The following POM121C variants were observed in gnomAD, a reference collection of about 807,000 sequenced individuals.
POM121C encodes the protein POM121 transmembrane nucleoporin C.
In POM121C, 20 loss-of-function variants were observed where a neutral mutation model predicts 66.4. The observed-to-expected ratio is 0.30, with a 90% CI of 0.21 to 0.44. The LOEUF (loss-of-function observed/expected upper bound fraction) is 0.44. Among genes scored for constraint, POM121C ranks in the 20% least tolerant of loss-of-function variants. The pLI is 1.00. For missense variants in POM121C, 580 were observed against 1,225.7 expected (o/e 0.47, Z 7.87); for synonymous variants, 286 against 528.0 (o/e 0.54, Z 6.28).
intron 3 of POM121C, among the ~76,000 whole-genome samples, chr7:75,473,260 G>A (rs1472140695): frequency 1.3e-5 from 2 of 151,938 alleles, no homozygotes; most frequent in African/African-American, 4.8e-5. Context: ...AAAATACACA[G>A]GAAAAAAGGT....
In POM121C at chr7:75,417,075, C is replaced by T; in HGVS notation, c.*1721G>A. ...CAGGTAGAAGCTTGATTGCTAGGCC[C>T]AGGCCCACCCAGACCCTCCAATCCT... On this transcript the variant is annotated 3_prime_UTR_variant, in exon 15 of 15. Transcript: ENST00000615331. 10 of 978,774 alleles carry T rather than the reference C, an allele frequency of 1.0e-5. No individual in the cohort carries two copies. Among genetic ancestry groups the T allele is most frequent in the Non-Finnish European group, 1.3e-5 (10 of 796,782 alleles). 60.6% of individuals were successfully genotyped at this position (978,774 alleles called of 1,614,324 possible).
chr7:75,478,617 G>GAAAC (rs1391591885), intron 1 of POM121C, among the ~76,000 whole-genome samples: 3 of 151,752 alleles, frequency 2.0e-5, no homozygotes, highest in Admixed American at 1.3e-4. Flanking sequence ...TCTACAGATA[G>GAAAC]TACAATATCT....
intron 3 of POM121C, among the ~76,000 whole-genome samples, chr7:75,473,833 C>T (rs1489046108): frequency 5.3e-5 from 8 of 151,156 alleles, no homozygotes; most frequent in South Asian, 2.1e-4. Context: ...GGACTACAGG[C>T]GCCCGCCACT....
chr7:75,473,807 G>C (rs1426415383), intron 3 of POM121C, among the ~76,000 whole-genome samples: 1 of 151,308 alleles, frequency 6.6e-6, no homozygotes, highest in Non-Finnish European at 1.5e-5. Flanking sequence ...TCCTGCCTCA[G>C]CCTCCCAAGT....
chr7:75,418,631 C>T lies in POM121C; in HGVS notation c.*165G>A. On this transcript the variant is annotated 3_prime_UTR_variant, in exon 15 of 15. Coordinates refer to ENST00000615331, the MANE Select transcript of POM121C (RefSeq NM_001099415.3). ...CCTTCCCTGAGGCTTGTGCTTCCTC[C>T]AGAAGGGAAAGGGCCCCAGGGCTGC... 4.4e-6 allele frequency: 6 copies of T among 1,348,808 alleles called. No homozygotes were observed. Among genetic ancestry groups the T allele is most frequent in the Admixed American group, 3.0e-5 (1 of 32,818 alleles). The allele number at this position is 1,348,808 out of a possible 1,614,324, so 83.6% of individuals were successfully genotyped here. A position where few individuals can be genotyped will look rare whatever the true frequency, so the allele number is the denominator to read the frequency against.
intron 7 of POM121C, among the ~76,000 whole-genome samples, chr7:75,427,680 CCA>C (rs1455601342): frequency 1.3e-4 from 20 of 152,148 alleles, no homozygotes; most frequent in East Asian, 3.9e-4. Flanking sequence ...AATTACAAAG[CCA>C]CTAAACTGTC....
At chr7:75,442,326 C>G (rs1422592355) in intron 3 of POM121C, 6 of 1,411,338 alleles carry the variant, frequency 4.3e-6, no homozygotes, top group South Asian at 3.1e-5. Flanking sequence ...TGCGGCGGCC[C>G]GGGCTTGCCC....
intron 7 of POM121C, among the ~76,000 whole-genome samples, chr7:75,433,098 G>C (rs1790247499): frequency 6.6e-6 from 1 of 151,546 alleles, no homozygotes; most frequent in African/African-American, 2.4e-5. Flanking sequence ...AGCTGGGCGT[G>C]GTGGCCAGAG....
At chr7:75,442,790 G>C (rs3888116) in intron 3 of POM121C, 7 of 1,272,666 alleles carry the variant, frequency 5.5e-6, no homozygotes, top group Non-Finnish European at 4.0e-6. Context: ...GTCATCGCGC[G>C]CCCGCCACGT....
intron 3 of POM121C, among the ~76,000 whole-genome samples, chr7:75,443,157 G>A (rs1388464908): frequency 2.0e-5 from 3 of 152,162 alleles, no homozygotes; most frequent in African/African-American, 4.8e-5. Context: ...AGTTGATAAC[G>A]TGGGACGATT....
At chr7:75,442,811 C>T in intron 3 of POM121C, 1 of 1,233,982 alleles carries the variant, frequency 8.1e-7, no homozygotes, top group Non-Finnish European at 1.0e-6. Context: ...CATGCGCGCG[C>T]GACTCGGGGA....
chr7:75,431,995 T>C (rs587648044), intron 7 of POM121C, among the ~76,000 whole-genome samples: 3 of 151,892 alleles, frequency 2.0e-5, no homozygotes, highest in Admixed American at 6.6e-5. Context: ...GACTGACCAA[T>C]ATAGTGAAAC....
rs1554470661 is a variant in POM121C, at chr7:75,421,658, A to C, written c.2594T>G (p.Phe865Cys). The C allele has an allele frequency of 6.2e-7, 1 of 1,612,890 alleles. No individual in the cohort carries two copies. Among genetic ancestry groups the C allele is most frequent in the East Asian group, 2.2e-5 (1 of 44,876 alleles). ...TPGSSATTGA[F>C]SFGAGQSGST... ...CCCACTCTGTCCTGCTCCAAAGCTG[A>C]AAGCTCCGGTGGTGGCGCTGGAGCC... is the stretch of plus-strand genomic sequence containing the variant. The change falls in exon 13 of 15, where the codon TTC (phenylalanine) becomes TGC (cysteine). Residue 865 changes from phenylalanine to cysteine, a missense_variant. Coordinates refer to ENST00000615331, the MANE Select transcript of POM121C (RefSeq NM_001099415.3).
chr7:75,485,198 T>C (rs1792475142), intron 1 of POM121C, among the ~76,000 whole-genome samples: 1 of 152,288 alleles, frequency 6.6e-6, no homozygotes, highest in East Asian at 1.9e-4. Flanking sequence ...GCCATAGGAA[T>C]TGAGTATGTG....
intron 5 of POM121C, among the ~76,000 whole-genome samples, chr7:75,440,424 T>C (rs1344021001): frequency 1.3e-4 from 19 of 151,314 alleles, no homozygotes; most frequent in East Asian, 6.0e-4. Context: ...AAAAATTAGC[T>C]GGGCATGGTG....
At chr7:75,438,996 A>G in intron 6 of POM121C, 148 bp downstream of exon 6, 1 of 847,390 alleles carries the variant, frequency 1.2e-6, no homozygotes, top group Non-Finnish European at 1.8e-6. Flanking sequence ...AATTGTGACA[A>G]GTTACTCAGA....
Position 75,424,125 on chromosome 7 carries a change from G to A in POM121C, c.972C>T (p.Leu324=). The A allele has an allele frequency of 1.2e-6, 2 of 1,612,024 alleles. No individual in the cohort carries two copies. ...AAATASPPTS[L]LAPSTNPLLE... is the part of the protein sequence containing the mutation. ...ACAGTGGGTTGGTGCTTGGGGCCAG[G>A]AGGGAGGTGGGTGGGGAGGCAGTTG... The change falls in exon 12 of 15, where the codon CTC becomes CTT. Residue 324 remains leucine, a synonymous_variant. Coordinates refer to ENST00000615331, the MANE Select transcript of POM121C (RefSeq NM_001099415.3).
intron 13 of POM121C, 152 bp from the exon 14 acceptor site, chr7:75,419,594 G>A (rs1342101340): frequency 2.3e-6 from 2 of 880,938 alleles, no homozygotes; most frequent in Admixed American, 6.3e-5. Context: ...AGCTGAGCCA[G>A]ACAACCGAGT....
chr7:75,437,778 A>T (rs1790472419), intron 6 of POM121C, 92 bp from the exon 7 acceptor site: 7 of 1,455,864 alleles, frequency 4.8e-6, no homozygotes, highest in Admixed American at 2.6e-5. Flanking sequence ...TAATAACATG[A>T]AGGGAAGAGA....
Sources: gnomAD v4.1 joint callset for allele counts (sites outside exome capture counted in the v4.1 genomes callset) on GRCh38, gnomAD v4.1.1 for gene constraint, MANE v1.5 for transcripts, NCBI Gene and HGNC (gene_info 2026-07-23, HGNC 2026-07-21) for gene names.